The following RAI1 variants were observed in gnomAD, a reference collection of about 807,000 sequenced individuals.
The protein encoded by RAI1 is retinoic acid-induced protein 1.
In RAI1, 9 loss-of-function variants were observed where a neutral mutation model predicts 123.8. The observed-to-expected ratio is 0.07, with a 90% CI of 0.04 to 0.13. The LOEUF (loss-of-function observed/expected upper bound fraction) is 0.13, where lower values mean the gene tolerates loss of function less well. RAI1 is among the 10% of genes least tolerant of loss of function. The probability of loss-of-function intolerance (pLI) is 1.00; values close to 1 mark genes in which losing one functional copy is unlikely to be tolerated. For synonymous variants in RAI1, 1,231 were observed against 1,127.3 expected, an observed-to-expected ratio of 1.09 and a Z score of -1.84; for missense variants, 2,256 against 2,545.8, an observed-to-expected ratio of 0.89 and a Z score of 2.45.
intron 1 of RAI1, among the ~76,000 whole-genome samples, chr17:17,692,201 C>A (rs545033010): frequency 1.3e-5 from 2 of 152,308 alleles, no homozygotes; most frequent in Non-Finnish European, 2.9e-5. Flanking sequence ...GGACAGGAGC[C>A]TGGGGAGCTG....
intron 2 of RAI1, among the ~76,000 whole-genome samples, chr17:17,735,161 T>G (rs994251085): frequency 6.6e-6 from 1 of 151,928 alleles, no homozygotes; most frequent in African/African-American, 2.4e-5. Flanking sequence ...CAAGCAATTG[T>G]CCTGCCTCAG....
chr17:17,794,084 C>G lies in RAI1; in HGVS notation c.1136C>G (p.Thr379Ser). 1 of 1,614,102 alleles carries G rather than the reference C, an allele frequency of 6.2e-7. No homozygotes were observed. Among genetic ancestry groups the G allele is most frequent in the Non-Finnish European group, 8.5e-7 (1 of 1,180,036 alleles). Residue 379 changes from threonine to serine, a missense_variant, in exon 3 of 6, where the codon ACC becomes AGC. By Grantham distance (58) the Thr-to-Ser change is moderately conservative. This residue lies in a region of RAI1 where 357 missense variants were observed against 480.2 expected (regional missense o/e 0.74). Coordinates refer to ENST00000353383, the MANE Select transcript of RAI1 (RefSeq NM_030665.4). ...NFPYSQQPLS[T>S]GAFPAGITDH... ...CCCTACAGCCAGCAGCCGCTCAGCA[C>G]CGGGGCCTTCCCCGCAGGGATCACT...
intron 2 of RAI1, among the ~76,000 whole-genome samples, chr17:17,780,304 GATC>G (rs922028330): frequency 6.6e-5 from 10 of 152,222 alleles, no homozygotes; most frequent in Middle Eastern, 6.8e-3. Context: ...GACTTCAAGT[GATC>G]CACCCACCTT....
chr17:17,683,312 T>C (rs572541704), intron 1 of RAI1, among the ~76,000 whole-genome samples: 26 of 152,254 alleles, frequency 1.7e-4, no homozygotes, highest in Middle Eastern at 3.4e-3. Flanking sequence ...AGCCCCGAGC[T>C]GGGGGCTCTG....
intron 2 of RAI1, among the ~76,000 whole-genome samples, chr17:17,739,753 C>A (rs1303636206): frequency 2.0e-5 from 3 of 152,230 alleles, no homozygotes; most frequent in African/African-American, 7.2e-5. Flanking sequence ...GGCTCAGTCT[C>A]CCTGTGTTGG....
intron 2 of RAI1, among the ~76,000 whole-genome samples, chr17:17,740,012 T>C (rs1017059879): frequency 3.3e-5 from 5 of 152,210 alleles, no homozygotes; most frequent in African/African-American, 1.2e-4. Context: ...CTCCAGATGC[T>C]GCAGCCCCAC....
rs1354502026 is a variant in RAI1, at chr17:17,810,348, A to G, written c.*367A>G. 2.0e-5 allele frequency: 7 copies of G among 341,794 alleles called. No homozygotes were observed. The highest frequency in any genetic ancestry group is 3.2e-5 in the Non-Finnish European group (6 of 186,390). The allele number at this position is 341,794 out of a possible 1,614,324, so 21.2% of individuals were successfully genotyped here. ...GTCCTGGGGACACTTTCCCTCTGGAATCTCAAGACGACGTGGCACACATTC... is the reference window on the plus strand; with the variant it reads ...GTCCTGGGGACACTTTCCCTCTGGAGTCTCAAGACGACGTGGCACACATTC... On this transcript the variant is annotated 3_prime_UTR_variant, in exon 6 of 6. Coordinates refer to ENST00000353383, the MANE Select transcript of RAI1 (RefSeq NM_030665.4). This position sits in a 1 kb window ranked among gnomAD's most constrained non-coding sequence, Gnocchi z 4.6.
intron 1 of RAI1, among the ~76,000 whole-genome samples, chr17:17,712,888 C>G (rs906158961): frequency 6.6e-6 from 1 of 151,888 alleles, no homozygotes; most frequent in Admixed American, 6.6e-5. Flanking sequence ...AGCCCAGATG[C>G]AAAAGGCTGC....
rs1369833829 is a variant in RAI1, at chr17:17,795,552, G to T, written c.2604G>T (p.Glu868Asp). The part of the protein sequence containing the change: ...PTSRKEDLEA[E>D]EEYSSLCELL... ...GCAGGAAGGAGGACCTGGAAGCTGA[G>T]GAGGAGTACTCCTCCCTATGTGAGC... is the stretch of plus-strand genomic sequence containing the variant. Residue 868 changes from glutamate (E) to aspartate (D), a missense_variant, in exon 3 of 6, where the codon GAG (glutamate) becomes GAT (aspartate). By Grantham distance (45) the Glu-to-Asp change is conservative. Transcript: ENST00000353383. This position sits in a 1 kb window ranked among gnomAD's most constrained non-coding sequence, Gnocchi z 5.9. 5 of 1,608,078 alleles carry T rather than the reference G, an allele frequency of 3.1e-6. No homozygotes were observed. Among genetic ancestry groups the T allele is most frequent in the Non-Finnish European group, 3.4e-6 (4 of 1,177,478 alleles).
chr17:17,809,926 A>G lies in RAI1; in HGVS notation c.5710-44A>G. 1 of 1,557,396 alleles carries G rather than the reference A, an allele frequency of 6.4e-7. No homozygotes were observed. The highest frequency in any genetic ancestry group is 1.2e-5 in the South Asian group (1 of 84,652). ...CTGGGGGCGGGGCCTATGGACTGTG[A>G]AGTCCGAGGTCGTCGGTAACTGGCG... is the stretch of plus-strand genomic sequence containing the variant. On this transcript the variant is annotated intron_variant, in intron 5 of 5. Transcript: ENST00000353383. This position sits in a 1 kb window ranked among gnomAD's most constrained non-coding sequence, Gnocchi z 4.9.
At position 17,796,462 on chromosome 17, in the gene RAI1, C is replaced by T. The variant is rs770567527; in HGVS notation, c.3514C>T (p.Arg1172Cys). 3.1e-6 allele frequency: 5 copies of T among 1,612,504 alleles called. No individual in the cohort carries two copies. Among genetic ancestry groups the T allele is most frequent in the East Asian group, 2.2e-5 (1 of 44,870 alleles). The change falls in exon 3 of 6, where the codon CGT becomes TGT. Residue 1172 changes from arginine (R) to cysteine (C), a missense_variant. Arg to Cys is a radical substitution (Grantham distance 180). Transcript: ENST00000353383. The surrounding 1 kb of genome is among the most constrained non-coding windows in gnomAD (Gnocchi z 5.8). ...CTCTGAGGGCCGGCTCCCCAACTGC[C>T]GTGCCACCAAGAAGCTCCTCGACAA... ...RPSEGRLPNC[R>C]ATKKLLDNSH...
chr17:17,803,085 CAAAAAAA>C (rs1167089282), intron 3 of RAI1, among the ~76,000 whole-genome samples: 3 of 55,946 alleles, frequency 5.4e-5, no homozygotes, highest in East Asian at 6.5e-4. Flanking sequence ...AATTCTGTCT[CAAAAAAA>C]AAAAAAAAAA....
At chr17:17,790,958 C>T (rs2031992431) in intron 2 of RAI1, among the ~76,000 whole-genome samples, 1 of 152,256 alleles carries the variant, frequency 6.6e-6, no homozygotes, top group Admixed American at 6.5e-5. Flanking sequence ...TGGCGCGTCG[C>T]AGCAGGAACC....
At chr17:17,759,002 C>T (rs953246506) in intron 2 of RAI1, among the ~76,000 whole-genome samples, 4 of 152,044 alleles carry the variant, frequency 2.6e-5, no homozygotes, top group South Asian at 2.1e-4. Flanking sequence ...AGGTTCTGGT[C>T]GCCATGGAAG....
chr17:17,793,751 C>T lies in RAI1; in HGVS notation c.803C>T (p.Ala268Val). The T allele has an allele frequency of 6.2e-7, 1 of 1,612,538 alleles. No homozygotes were observed. Reference sequence around the variant, plus strand: ...GGGCAGCGGGTCCAGAATCTTCATGCCTACCAGTCGGGCCGCCTCAGCTAT... The same window carrying T: ...GGGCAGCGGGTCCAGAATCTTCATGTCTACCAGTCGGGCCGCCTCAGCTAT... ...APGQRVQNLHAYQSGRLSYDQ... is the reference protein window; with the variant it reads ...APGQRVQNLHVYQSGRLSYDQ... The change falls in exon 3 of 6, where the codon GCC (alanine) becomes GTC (valine). Residue 268 changes from alanine to valine, a missense_variant. Ala to Val is a moderately conservative substitution (Grantham distance 64). This residue lies in a region of RAI1 where 357 missense variants were observed against 480.2 expected (regional missense o/e 0.74). Transcript: ENST00000353383.
chr17:17,759,699 A>G (rs1161255778), intron 2 of RAI1, among the ~76,000 whole-genome samples: 3 of 152,208 alleles, frequency 2.0e-5, no homozygotes, highest in Non-Finnish European at 4.4e-5. Context: ...CAGCTGACCT[A>G]GAATGTTCGG....
chr17:17,796,715 G>A lies in RAI1; in HGVS notation c.3767G>A (p.Gly1256Glu). ...SSSSNASGNG[G>E]DGKEERPEGS... The stretch of plus-strand genomic sequence containing the variant: ...AGCAGCAACGCCAGTGGCAATGGGG[G>A]AGATGGGAAGGAGGAGAGGCCTGAG... Residue 1256 changes from glycine (G) to glutamate (E), a missense_variant, in exon 3 of 6, where the codon GGA (glycine) becomes GAA (glutamate). Around this residue, in one of 7 missense-constraint regions of RAI1, gnomAD observed 322 missense variants for 358.0 expected, o/e 0.90. Coordinates refer to ENST00000353383, the MANE Select transcript of RAI1 (RefSeq NM_030665.4). The surrounding 1 kb of genome is among the most constrained non-coding windows in gnomAD (Gnocchi z 5.8). The A allele has an allele frequency of 1.9e-6, 3 of 1,613,586 alleles. No homozygotes were observed. Among genetic ancestry groups the A allele is most frequent in the South Asian group, 2.2e-5 (2 of 91,086 alleles).
Position 17,795,466 on chromosome 17 carries a change from G to T in RAI1, c.2518G>T (p.Asp840Tyr). Residue 840 changes from aspartate to tyrosine, a missense_variant, in exon 3 of 6, where the codon GAC (aspartate) becomes TAC (tyrosine). Physicochemically the swap from Asp to Tyr is radical, Grantham distance 160. Coordinates refer to ENST00000353383, the MANE Select transcript of RAI1 (RefSeq NM_030665.4). This position sits in a 1 kb window ranked among gnomAD's most constrained non-coding sequence, Gnocchi z 5.9. ...EVAKADRWLE[D>Y]SRHCCSTADF... ...GGCCAAGGCTGACCGGTGGCTGGAG[G>T]ACAGCCGGCACTGCTGTTCCACCGC... is the stretch of plus-strand genomic sequence containing the variant. 6.3e-7 allele frequency: 1 copy of T among 1,585,484 alleles called. No individual in the cohort carries two copies. Among genetic ancestry groups the T allele is most frequent in the Non-Finnish European group, 8.6e-7 (1 of 1,165,962 alleles).
At chr17:17,686,938 G>A (rs1275339439) in intron 1 of RAI1, among the ~76,000 whole-genome samples, 1 of 152,070 alleles carries the variant, frequency 6.6e-6, no homozygotes, top group Non-Finnish European at 1.5e-5. Flanking sequence ...TGTGGTCCAG[G>A]CTTCGCACCC....
Sources: allele counts gnomAD v4.1 joint callset (sites outside exome capture counted in the v4.1 genomes callset), GRCh38; gene constraint gnomAD v4.1.1; regional missense constraint gnomAD v4.1.1; non-coding constraint Gnocchi (gnomAD v3.1); transcripts MANE v1.5; gene names NCBI Gene and HGNC (gene_info 2026-07-23, HGNC 2026-07-21).